The following CDH4 variants were observed in gnomAD, a reference collection of about 807,000 sequenced individuals.
CDH4 encodes cadherin-4.
A neutral mutation model predicts 86.0 loss-of-function variants in CDH4; 33 were observed. The observed-to-expected ratio is 0.38, with a 90% CI of 0.29 to 0.51. The LOEUF (loss-of-function observed/expected upper bound fraction) is 0.51, where lower values mean the gene tolerates loss of function less well. Ranked by LOEUF, CDH4 falls within the 20% of genes least tolerant of loss-of-function variation. CDH4 has a pLI of 0.86. For missense variants in CDH4, 1,114 were observed against 1,307.4 expected (o/e 0.85, Z 2.28); for synonymous variants, 555 against 549.4 (o/e 1.01, Z -0.14).
rs914583702 is a variant in CDH4 at position 61,811,901 on chromosome 20, A to G, written c.577-32767A>G. ...TGGCCAGGCTGGTCTCGAACTCCTGACCGCAGGTGATCCACCTACCTCGGC... is the reference window on the plus strand; with the variant it reads ...TGGCCAGGCTGGTCTCGAACTCCTGGCCGCAGGTGATCCACCTACCTCGGC... On this transcript the variant is annotated intron_variant, in intron 4 of 15. Transcript: ENST00000614565. This position sits in a 1 kb window ranked among gnomAD's most constrained non-coding sequence, Gnocchi z 4.4. Among the ~76,000 whole-genome samples, 2 of 151,888 alleles carry G rather than the reference A, an allele frequency of 1.3e-5. No homozygotes were observed. The highest frequency in any genetic ancestry group is 4.8e-5 in the African/African-American group (2 of 41,354).
intron 4 of CDH4, among the ~76,000 whole-genome samples, chr20:61,783,133 C>A (rs1460483939): frequency 6.6e-6 from 1 of 152,184 alleles, no homozygotes; most frequent in African/African-American, 2.4e-5. Context: ...CTGTTAGTCA[C>A]CAGATTGTCC....
At chr20:61,728,212 G>A (rs1169968496) in intron 2 of CDH4, among the ~76,000 whole-genome samples, 1 of 152,188 alleles carries the variant, frequency 6.6e-6, no homozygotes, top group Non-Finnish European at 1.5e-5. Flanking sequence ...GCTGTGTTCT[G>A]CAGGGGGTGC....
intron 2 of CDH4, among the ~76,000 whole-genome samples, chr20:61,439,360 G>T (rs7272767): frequency 0.035 from 5,292 of 152,240 alleles, 289 homozygotes; most frequent in African/African-American, 0.12. Flanking sequence ...CTGAGGGTTG[G>T]CTGGGCTCAG....
intron 7 of CDH4, 108 bp downstream of exon 7, chr20:61,874,008 A>G: frequency 8.4e-7 from 1 of 1,190,078 alleles, no homozygotes; most frequent in South Asian, 1.4e-5. Flanking sequence ...GGAGTGATCG[A>G]CAGTCTCCCC....
intron 2 of CDH4, among the ~76,000 whole-genome samples, chr20:61,615,532 T>G (rs1287856320): frequency 6.6e-6 from 1 of 152,244 alleles, no homozygotes. Flanking sequence ...TTTCCAGCAT[T>G]AATATTTTGT....
chr20:61,720,626 G>GTGCATGGGTGCAGGT (rs1168225789), intron 2 of CDH4, among the ~76,000 whole-genome samples: 10 of 14,664 alleles, frequency 6.8e-4, no homozygotes, highest in Non-Finnish European at 4.6e-4. Context: ...GGGGTGCAGA[G>GTGCATGGGTGCAGGT]TGCCATTCCT....
intron 2 of CDH4, among the ~76,000 whole-genome samples, chr20:61,522,912 G>A (rs1378191561): frequency 6.6e-6 from 1 of 152,258 alleles, no homozygotes; most frequent in Non-Finnish European, 1.5e-5. Context: ...TACACAGAGT[G>A]CAGGGAAAGC....
intron 2 of CDH4, among the ~76,000 whole-genome samples, chr20:61,693,112 C>T (rs1319307118): frequency 1.3e-5 from 2 of 152,184 alleles, no homozygotes; most frequent in African/African-American, 4.8e-5. Flanking sequence ...GGTCACAGCT[C>T]AGCCTGGTGA....
At chr20:61,498,222 C>A (rs934658548) in intron 2 of CDH4, among the ~76,000 whole-genome samples, 3 of 152,026 alleles carry the variant, frequency 2.0e-5, no homozygotes, top group African/African-American at 7.2e-5. Flanking sequence ...AAAAAAAAGG[C>A]CACAGCTTGT....
At chr20:61,888,388 G>C (rs188939136) in intron 7 of CDH4, among the ~76,000 whole-genome samples, 1 of 152,224 alleles carries the variant, frequency 6.6e-6, no homozygotes, top group Non-Finnish European at 1.5e-5. Flanking sequence ...CTGCAAGGGA[G>C]GGCCGGGTGC....
At chr20:61,354,058 G>A (rs373572513) in intron 2 of CDH4, among the ~76,000 whole-genome samples, 51 of 152,120 alleles carry the variant, frequency 3.4e-4, no homozygotes, top group African/African-American at 1.1e-3. Context: ...GGTTTTCAAC[G>A]AGGGGTGATT....
intron 13 of CDH4, among the ~76,000 whole-genome samples, chr20:61,931,593 G>A (rs994387524): frequency 6.6e-6 from 1 of 152,236 alleles, no homozygotes; most frequent in Non-Finnish European, 1.5e-5. Context: ...TTACATCTGT[G>A]ACATGGGAGG....
chr20:61,482,664 A>C (rs2085574522), intron 2 of CDH4, among the ~76,000 whole-genome samples: 1 of 152,118 alleles, frequency 6.6e-6, no homozygotes, highest in Non-Finnish European at 1.5e-5. Flanking sequence ...GACTCGCCCC[A>C]TGTGGTTGGA....
chr20:61,917,326 A>C (rs1321606705), intron 9 of CDH4, among the ~76,000 whole-genome samples: 2 of 152,138 alleles, frequency 1.3e-5, no homozygotes, highest in African/African-American at 4.8e-5. Flanking sequence ...TCCCTCCTCC[A>C]GTTGTGAAAT....
At chr20:61,828,795 C>T (rs6089282) in intron 4 of CDH4, among the ~76,000 whole-genome samples, 1,853 of 152,346 alleles carry the variant, frequency 0.012, 18 homozygotes, top group Middle Eastern at 0.031. Flanking sequence ...CCTGCCTCAG[C>T]GTATGCTTGT....
chr20:61,254,771 T>G, intron 1 of CDH4, 55 bp from the exon 2 acceptor site: 1 of 1,152,290 alleles, frequency 8.7e-7, no homozygotes, highest in Non-Finnish European at 1.3e-6. Context: ...TGAATGTTGG[T>G]TGGATTAAAT....
rs2086237017 is a variant in CDH4 at position 61,563,369 on chromosome 20, T to A, written c.170-180194T>A. Among the ~76,000 whole-genome samples, 4 of 152,266 alleles carry A rather than the reference T, an allele frequency of 2.6e-5. No individual in the cohort carries two copies. The South Asian group carries it at 8.3e-4, about 32-fold the overall frequency. On this transcript the variant is annotated intron_variant, in intron 2 of 15. Transcript: ENST00000614565. ...CCTTGTAGGTGCAGAGTGCCAAGGGTGTGGAGAGCTGGCCGGCCCAGGAAT... is the reference window on the plus strand; with the variant it reads ...CCTTGTAGGTGCAGAGTGCCAAGGGAGTGGAGAGCTGGCCGGCCCAGGAAT...
At chr20:61,539,567 C>T (rs1236502124) in intron 2 of CDH4, among the ~76,000 whole-genome samples, 1 of 152,166 alleles carries the variant, frequency 6.6e-6, no homozygotes, top group Non-Finnish European at 1.5e-5. Flanking sequence ...TTGCCTTAAC[C>T]CCGTTTTAAA....
intron 6 of CDH4, among the ~76,000 whole-genome samples, chr20:61,859,117 T>C (rs1304888628): frequency 6.6e-6 from 1 of 152,090 alleles, no homozygotes; most frequent in Non-Finnish European, 1.5e-5. Context: ...AGGTGCATGG[T>C]GGCCCCTCGT....
Sources: gnomAD v4.1 joint callset for allele counts (sites outside exome capture counted in the v4.1 genomes callset) on GRCh38, gnomAD v4.1.1 for gene constraint, Gnocchi (gnomAD v3.1) non-coding constraint, MANE v1.5 for transcripts, NCBI Gene and HGNC (gene_info 2026-07-23, HGNC 2026-07-21) for gene names.